Variants in RNF180 observed in about 807,000 individuals in gnomAD.
RNF180 encodes the protein ring finger protein 180.
Under a neutral mutation model 59.2 loss-of-function variants are expected in RNF180, and 38 were observed. That is an observed-to-expected ratio of 0.64 (90% CI 0.50 to 0.84). The LOEUF is 0.84. RNF180 is among the 40% of genes least tolerant of loss of function. RNF180 has a pLI of 0.00. For synonymous variants in RNF180, 262 were observed against 240.3 expected (o/e 1.09, Z -0.84); for missense variants, 705 against 700.9 (o/e 1.01, Z -0.07).
Position 64,330,004 on chromosome 5 carries a change from A to G in RNF180, c.1454-277A>G, listed in dbSNP as rs148401212. ...GTTTTAAGGTGAGGGACGATGTCCT[A>G]TTTATCATTATATACTCTATACTGC... On this transcript the variant is annotated intron_variant, in intron 6 of 7. Coordinates refer to ENST00000389100, the MANE Select transcript of RNF180 (RefSeq NM_001113561.2). 4.5e-4 allele frequency among the ~76,000 whole-genome samples: 68 copies of G among 152,254 alleles called. 2 individuals are homozygous for G. In the East Asian group the frequency reaches 8.1e-3, roughly 18 times the overall value.
intron 7 of RNF180, among the ~76,000 whole-genome samples, chr5:64,349,804 A>G (rs1362324504): frequency 6.6e-6 from 1 of 152,138 alleles, no homozygotes; most frequent in Admixed American, 6.6e-5. Flanking sequence ...TCCATGGTGT[A>G]TATGTGCCAC....
rs899960454 is a variant in RNF180 at position 64,214,116 on chromosome 5, A to T, written c.790A>T (p.Ile264Phe). 3.7e-6 allele frequency: 6 copies of T among 1,614,072 alleles called. No homozygotes were observed. The Middle Eastern group carries it at 4.9e-4, about 133-fold the overall frequency. Residue 264 changes from isoleucine (I) to phenylalanine (F), a missense_variant, in exon 4 of 8, where the codon ATT (isoleucine) becomes TTT (phenylalanine). Coordinates refer to ENST00000389100, the MANE Select transcript of RNF180 (RefSeq NM_001113561.2). ...TTCCAGACTAAATGAAACACAGCCTATTGACCTTTCAGGCTTGCCTTTACA... is the reference window on the plus strand; with the variant it reads ...TTCCAGACTAAATGAAACACAGCCTTTTGACCTTTCAGGCTTGCCTTTACA... ...AYSRLNETQP[I>F]DLSGLPLQSS...
chr5:64,323,143 T>C (rs1257623093), intron 5 of RNF180, among the ~76,000 whole-genome samples: 1 of 152,162 alleles, frequency 6.6e-6, no homozygotes, highest in Non-Finnish European at 1.5e-5. Context: ...AAGGCAGTCT[T>C]TGTGTTTGGA....
intron 7 of RNF180, among the ~76,000 whole-genome samples, chr5:64,348,992 C>A (rs1422478933): frequency 6.6e-6 from 1 of 152,060 alleles, no homozygotes; most frequent in Admixed American, 6.6e-5. Context: ...ACCTGTGAGT[C>A]ATTTTCTCCT....
intron 5 of RNF180, among the ~76,000 whole-genome samples, chr5:64,250,352 A>C (rs537486665): frequency 6.6e-6 from 1 of 152,268 alleles, no homozygotes; most frequent in African/African-American, 2.4e-5. Flanking sequence ...CTAGCATTGA[A>C]CCTCAAGGAA....
At chr5:64,360,132 C>T (rs1746192418) in intron 7 of RNF180, among the ~76,000 whole-genome samples, 1 of 151,818 alleles carries the variant, frequency 6.6e-6, no homozygotes, top group Admixed American at 6.6e-5. Flanking sequence ...TTTTTTGGTT[C>T]CATATGAACT....
At chr5:64,271,042 T>G (rs951867569) in intron 5 of RNF180, among the ~76,000 whole-genome samples, 1 of 152,064 alleles carries the variant, frequency 6.6e-6, no homozygotes, top group Non-Finnish European at 1.5e-5. Flanking sequence ...AATACTTGAT[T>G]TGAAGGAAAC....
chr5:64,364,963 A>T (rs1369887299), intron 7 of RNF180, among the ~76,000 whole-genome samples: 4 of 148,842 alleles, frequency 2.7e-5, no homozygotes, highest in African/African-American at 4.9e-5. Flanking sequence ...CTCTTTTATT[A>T]TTTACTAGTC....
At chr5:64,219,873 G>C (rs1410037327) in intron 5 of RNF180, among the ~76,000 whole-genome samples, 1 of 152,136 alleles carries the variant, frequency 6.6e-6, no homozygotes, top group Non-Finnish European at 1.5e-5. Context: ...AACTACCTGA[G>C]CCTGGAGATG....
chr5:64,228,997 C>T (rs1206772536), intron 5 of RNF180, among the ~76,000 whole-genome samples: 2 of 147,252 alleles, frequency 1.4e-5, no homozygotes, highest in African/African-American at 5.1e-5. Flanking sequence ...TCTCGGCTCA[C>T]TGCAACTTCT....
intron 5 of RNF180, among the ~76,000 whole-genome samples, chr5:64,314,597 T>TTATAAATATTTACCA (rs1308569453): frequency 8.5e-5 from 13 of 152,216 alleles, no homozygotes; most frequent in Middle Eastern, 6.8e-3. Context: ...TCTACATGGA[T>TTATAAATATTTACCA]TATAAATATT....
intron 2 of RNF180, among the ~76,000 whole-genome samples, chr5:64,209,592 A>G (rs1367924730): frequency 6.6e-6 from 1 of 152,040 alleles, no homozygotes; most frequent in Admixed American, 6.6e-5. Context: ...TTACTTTGAC[A>G]TTGATAATCT....
At chr5:64,341,497 A>G (rs1745354440) in intron 7 of RNF180, among the ~76,000 whole-genome samples, 1 of 152,190 alleles carries the variant, frequency 6.6e-6, no homozygotes. Context: ...AAGTTTGATC[A>G]CTGTGTGACT....
intron 7 of RNF180, among the ~76,000 whole-genome samples, chr5:64,351,846 G>A (rs1199661188): frequency 1.3e-5 from 2 of 152,092 alleles, no homozygotes; most frequent in Non-Finnish European, 2.9e-5. Context: ...GTTCATCAGG[G>A]ATATTGGTCT....
chr5:64,367,412 T>G (rs1430171772), intron 7 of RNF180, among the ~76,000 whole-genome samples: 1 of 151,616 alleles, frequency 6.6e-6, no homozygotes, highest in Non-Finnish European at 1.5e-5. Context: ...GTAAAAAAAG[T>G]TTTTAAATCA....
At chr5:64,168,305 A>G (rs866061758) in intron 1 of RNF180, among the ~76,000 whole-genome samples, 31 of 152,328 alleles carry the variant, frequency 2.0e-4, no homozygotes, top group African/African-American at 5.3e-4. Flanking sequence ...ACTATTAAGG[A>G]TATTTAAAGG....
At chr5:64,325,666 A>G (rs1217251282) in intron 6 of RNF180, among the ~76,000 whole-genome samples, 3 of 152,174 alleles carry the variant, frequency 2.0e-5, no homozygotes, top group South Asian at 2.1e-4. Flanking sequence ...AGTCTTGGAC[A>G]TTTCTAGTGT....
chr5:64,289,039 G>A (rs1044747857), intron 5 of RNF180, among the ~76,000 whole-genome samples: 14 of 152,010 alleles, frequency 9.2e-5, no homozygotes, highest in East Asian at 1.9e-4. Context: ...GTCATATATC[G>A]CTCTTATTAT....
chr5:64,297,185 T>A (rs1742925032), intron 5 of RNF180, among the ~76,000 whole-genome samples: 1 of 152,106 alleles, frequency 6.6e-6, no homozygotes, highest in Non-Finnish European at 1.5e-5. Flanking sequence ...TCATATATGC[T>A]ATTCTTTTAA....
Sources: gnomAD v4.1 joint callset for allele counts (sites outside exome capture counted in the v4.1 genomes callset) on GRCh38, gnomAD v4.1.1 for gene constraint, MANE v1.5 for transcripts, NCBI Gene and HGNC (gene_info 2026-07-23, HGNC 2026-07-21) for gene names.